The following EFL1 variants were observed in gnomAD, a reference collection of about 807,000 sequenced individuals.
EFL1 encodes elongation factor-like GTPase 1.
Under a neutral mutation model 126.7 loss-of-function variants are expected in EFL1, and 76 were observed. The observed-to-expected ratio is 0.60, with a 90% CI of 0.50 to 0.73. EFL1 has a LOEUF of 0.73. EFL1 is among the 30% of genes least tolerant of loss of function. The pLI, the probability that EFL1 is intolerant of heterozygous loss-of-function variation, is 0.00. For synonymous variants in EFL1, 410 were observed against 448.4 expected (o/e 0.91, Z 1.08); for missense variants, 1,128 against 1,343.2 (o/e 0.84, Z 2.50).
intron 3 of EFL1, among the ~76,000 whole-genome samples, chr15:82,254,116 A>G (rs2075046793): frequency 6.6e-6 from 1 of 152,240 alleles, no homozygotes; most frequent in Non-Finnish European, 1.5e-5. Context: ...TCAAAGTCCT[A>G]AAAGCTATCA....
intron 18 of EFL1, among the ~76,000 whole-genome samples, chr15:82,148,916 T>C (rs371042325): frequency 1.3e-5 from 2 of 152,102 alleles, no homozygotes; most frequent in Admixed American, 1.3e-4. Context: ...TATACAAGTA[T>C]GAGGTAAATC....
intron 15 of EFL1, among the ~76,000 whole-genome samples, chr15:82,191,723 C>T (rs1462926149): frequency 6.6e-6 from 1 of 152,052 alleles, no homozygotes; most frequent in Non-Finnish European, 1.5e-5. Context: ...TGGTCAAGTG[C>T]CACAGTTTTT....
intron 11 of EFL1, among the ~76,000 whole-genome samples, chr15:82,226,688 A>G (rs748006195): frequency 2.0e-5 from 3 of 152,224 alleles, no homozygotes; most frequent in Non-Finnish European, 4.4e-5. Flanking sequence ...CATGCTCTGA[A>G]GACACATAAT....
chr15:82,169,716 G>T (rs2074114110), intron 15 of EFL1, among the ~76,000 whole-genome samples: 1 of 150,516 alleles, frequency 6.6e-6, no homozygotes, highest in South Asian at 2.1e-4. Context: ...TTTTCCATTT[G>T]GCGTCTAAGT....
At chr15:82,258,068 G>A (rs2075081360) in intron 3 of EFL1, among the ~76,000 whole-genome samples, 1 of 152,064 alleles carries the variant, frequency 6.6e-6, no homozygotes, top group Non-Finnish European at 1.5e-5. Flanking sequence ...AGTCTATTGG[G>A]TCTACCCTGT....
chr15:82,196,763 G>C (rs931625448), intron 15 of EFL1, among the ~76,000 whole-genome samples: 32 of 152,348 alleles, frequency 2.1e-4, no homozygotes, highest in Middle Eastern at 3.4e-3. Flanking sequence ...GCCGGGAGCG[G>C]TGGCTCTCGC....
At chr15:82,200,489 G>A (rs903939828) in intron 15 of EFL1, among the ~76,000 whole-genome samples, 5 of 152,134 alleles carry the variant, frequency 3.3e-5, no homozygotes, top group African/African-American at 1.2e-4. Context: ...CTGGGACAAT[G>A]TTCTCCCCTC....
chr15:82,190,854 C>T (rs1314339570), intron 15 of EFL1, among the ~76,000 whole-genome samples: 9 of 151,930 alleles, frequency 5.9e-5, no homozygotes, highest in African/African-American at 1.5e-4. Flanking sequence ...CAGATACATA[C>T]GTATGTATGC....
At chr15:82,146,136 C>G (rs1380596753) in intron 18 of EFL1, among the ~76,000 whole-genome samples, 11 of 151,992 alleles carry the variant, frequency 7.2e-5, no homozygotes, top group Non-Finnish European at 1.3e-4. Flanking sequence ...ATTATTTCCC[C>G]AGATAAAATG....
In EFL1 at chr15:82,181,843, C is replaced by A. The variant is rs116432149; in HGVS notation, c.1751-17859G>T. Among the ~76,000 whole-genome samples, 344 of 152,286 alleles carry A rather than the reference C, an allele frequency of 2.3e-3. 3 individuals carry two copies. The highest frequency in any genetic ancestry group is 7.9e-3 in the African/African-American group (328 of 41,552). On this transcript the variant is annotated intron_variant, in intron 15 of 19. Coordinates refer to ENST00000268206, the MANE Select transcript of EFL1 (RefSeq NM_024580.6). ...CTGGCATAACACAAGCCTTTAAATTCTTGAAAGCTGGCTATCACATCTTCC... is the reference window on the plus strand; with the variant it reads ...CTGGCATAACACAAGCCTTTAAATTATTGAAAGCTGGCTATCACATCTTCC...
At chr15:82,145,094 G>C (rs777506064) in intron 18 of EFL1, among the ~76,000 whole-genome samples, 2 of 151,128 alleles carry the variant, frequency 1.3e-5, no homozygotes, top group Admixed American at 1.3e-4. Flanking sequence ...ACTTGAGGTC[G>C]GGAGTTTGAA....
At chr15:82,164,450 A>ACCCTCCATACTC (rs1487049226) in intron 15 of EFL1, among the ~76,000 whole-genome samples, 1 of 152,068 alleles carries the variant, frequency 6.6e-6, no homozygotes, top group East Asian at 1.9e-4. Flanking sequence ...ACCCTAAGCT[A>ACCCTCCATACTC]CCCTCCATAC....
At chr15:82,251,513 C>CT (rs2075021186) in intron 4 of EFL1, among the ~76,000 whole-genome samples, 1 of 152,124 alleles carries the variant, frequency 6.6e-6, no homozygotes, top group African/African-American at 2.4e-5. Context: ...GACTAATAAT[C>CT]TGAGTAAGGA....
chr15:82,235,638 A>G (rs2074865336), intron 7 of EFL1, among the ~76,000 whole-genome samples: 2 of 152,192 alleles, frequency 1.3e-5, no homozygotes, highest in Admixed American at 6.5e-5. Context: ...TATGTGACAA[A>G]ACTTGACACA....
intron 19 of EFL1, among the ~76,000 whole-genome samples, chr15:82,134,402 A>C (rs1285081411): frequency 6.6e-6 from 1 of 152,012 alleles, no homozygotes. Flanking sequence ...CCTCACCCAG[A>C]ATTCATCGGC....
intron 15 of EFL1, among the ~76,000 whole-genome samples, chr15:82,183,799 A>G (rs957232273): frequency 2.0e-5 from 3 of 152,256 alleles, no homozygotes; most frequent in African/African-American, 7.2e-5. Flanking sequence ...CCAGCATTAA[A>G]ATAAAACCAA....
intron 16 of EFL1, among the ~76,000 whole-genome samples, chr15:82,160,822 T>C (rs997669936): frequency 1.3e-5 from 2 of 152,192 alleles, no homozygotes; most frequent in African/African-American, 2.4e-5. Context: ...GCAAATTAAT[T>C]AACTTCTCTA....
intron 3 of EFL1, among the ~76,000 whole-genome samples, chr15:82,256,416 T>C (rs761915525): frequency 2.0e-5 from 3 of 152,254 alleles, no homozygotes; most frequent in Admixed American, 6.5e-5. Flanking sequence ...TAGCAATTTA[T>C]CTACATTTTT....
chr15:82,202,987 T>C (rs149297782), intron 15 of EFL1, among the ~76,000 whole-genome samples: 2,731 of 152,136 alleles, frequency 0.018, 29 homozygotes, highest in Non-Finnish European at 0.026. Flanking sequence ...AATTTTTGCA[T>C]TTTTAGTAGA....
Sources: gnomAD v4.1 joint callset for allele counts (sites outside exome capture counted in the v4.1 genomes callset) on GRCh38, gnomAD v4.1.1 for gene constraint, MANE v1.5 for transcripts, NCBI Gene and HGNC (gene_info 2026-07-23, HGNC 2026-07-21) for gene names.